The following DARS1 variants were observed in gnomAD, a reference collection of about 807,000 sequenced individuals.
DARS1 encodes aspartate--tRNA ligase, cytoplasmic.
DARS1 carries 51 observed loss-of-function variants against 68.8 expected under a neutral mutation model. That is an observed-to-expected ratio of 0.74 (90% CI 0.59 to 0.94). The LOEUF is 0.94. Among genes scored for constraint, DARS1 ranks in the 40% least tolerant of loss-of-function variants. DARS1 has a pLI of 0.00. For synonymous variants in DARS1, 203 were observed against 190.4 expected (o/e 1.07, Z -0.55); for missense variants, 607 against 597.3 (o/e 1.02, Z -0.17).
intron 1 of DARS1, 65 bp downstream of exon 1, chr2:135,985,334 TCCTC>T: frequency 1.3e-6 from 2 of 1,565,708 alleles, no homozygotes; most frequent in Non-Finnish European, 1.7e-6. Flanking sequence ...CCACTCCCCC[TCCTC>T]CCTCCCTCGG....
At chr2:135,981,190 C>A (rs1212788536) in intron 2 of DARS1, among the ~76,000 whole-genome samples, 1 of 152,132 alleles carries the variant, frequency 6.6e-6, no homozygotes, top group Non-Finnish European at 1.5e-5. Context: ...GATTTGCCAG[C>A]AAAAGAACAA....
intron 3 of DARS1, among the ~76,000 whole-genome samples, chr2:135,970,029 C>G (rs1682329917): frequency 6.6e-6 from 1 of 152,106 alleles, no homozygotes; most frequent in Non-Finnish European, 1.5e-5. Flanking sequence ...GCACAGTCTT[C>G]TTGTGCTTCC....
At chr2:135,953,649 A>G (rs1046890311) in intron 4 of DARS1, among the ~76,000 whole-genome samples, 6 of 152,212 alleles carry the variant, frequency 3.9e-5, no homozygotes, top group African/African-American at 7.2e-5. Flanking sequence ...TTCAGGAAGA[A>G]TAACTGTCAC....
intron 11 of DARS1, chr2:135,914,753 A>T (rs1389190996): frequency 1.1e-5 from 4 of 373,426 alleles, no homozygotes; most frequent in Non-Finnish European, 2.0e-5. Flanking sequence ...CAATAAACAG[A>T]ATATAGCAAT....
chr2:135,956,588 C>T (rs1027221801), intron 4 of DARS1, among the ~76,000 whole-genome samples: 8 of 152,166 alleles, frequency 5.3e-5, no homozygotes, highest in South Asian at 2.1e-4. Flanking sequence ...CGAGGCTTAC[C>T]GGAGCAGAAA....
At chr2:135,913,891 T>C (rs1337688948) in intron 12 of DARS1, among the ~76,000 whole-genome samples, 1 of 152,204 alleles carries the variant, frequency 6.6e-6, no homozygotes, top group Non-Finnish European at 1.5e-5. Flanking sequence ...ATAAACTGAA[T>C]ATTGTATGAC....
intron 4 of DARS1, among the ~76,000 whole-genome samples, chr2:135,955,705 T>A (rs113200654): frequency 0.15 from 18,417 of 122,626 alleles, 1,496 homozygotes; most frequent in Middle Eastern, 0.37. Context: ...TTTTTTTTTT[T>A]AGACAGGGTC....
intron 2 of DARS1, among the ~76,000 whole-genome samples, chr2:135,980,141 C>T (rs1218567132): frequency 6.6e-6 from 1 of 152,156 alleles, no homozygotes; most frequent in Non-Finnish European, 1.5e-5. Context: ...CCCTATCGAG[C>T]CTTTTGGCTG....
intron 3 of DARS1, among the ~76,000 whole-genome samples, chr2:135,978,159 A>AG: frequency 6.7e-6 from 1 of 149,106 alleles, no homozygotes; most frequent in Admixed American, 6.7e-5. Context: ...AAAAAAAAAA[A>AG]AAAAAAGAAA....
At chr2:135,958,544 G>A (rs765935753) in intron 4 of DARS1, among the ~76,000 whole-genome samples, 16 of 152,110 alleles carry the variant, frequency 1.1e-4, no homozygotes, top group Non-Finnish European at 2.1e-4. Flanking sequence ...GAAGGATCAG[G>A]ATTTCTGAAC....
intron 9 of DARS1, among the ~76,000 whole-genome samples, chr2:135,921,002 G>A (rs1283393429): frequency 6.6e-6 from 1 of 151,650 alleles, no homozygotes; most frequent in African/African-American, 2.4e-5. Flanking sequence ...TTTGACTACA[G>A]TAGTCATTTA....
At chr2:135,958,513 A>G (rs990387311) in intron 4 of DARS1, among the ~76,000 whole-genome samples, 35 of 152,228 alleles carry the variant, frequency 2.3e-4, no homozygotes, top group African/African-American at 8.2e-4. Flanking sequence ...CCGAAGTCTA[A>G]AAGTAGACTT....
At chr2:135,945,559 T>G (rs1420372102) in intron 4 of DARS1, among the ~76,000 whole-genome samples, 1 of 152,202 alleles carries the variant, frequency 6.6e-6, no homozygotes, top group Non-Finnish European at 1.5e-5. Context: ...TCCCTCTTCT[T>G]TCTCATTCAA....
At chr2:135,922,699 T>A in intron 9 of DARS1, 85 bp downstream of exon 9, 1 of 1,403,218 alleles carries the variant, frequency 7.1e-7, no homozygotes, top group Non-Finnish European at 9.2e-7. Context: ...AAAGTGTCTG[T>A]ACATTATATA....
intron 11 of DARS1, 149 bp downstream of exon 11, chr2:135,916,077 C>T: frequency 8.9e-6 from 4 of 449,110 alleles, no homozygotes; most frequent in South Asian, 5.0e-5. Context: ...ACCAAATTAC[C>T]AAGGTTTTAA....
At position 135,974,694 on chromosome 2, in the gene DARS1, C is replaced by A. The variant is rs74399174; in HGVS notation, c.217+4580G>T. On this transcript the variant is annotated intron_variant, in intron 3 of 15. Transcript: ENST00000264161. Reference sequence around the variant, plus strand: ...CTTCATTGTGTGAATCCCTGAAGTACTAGAGAACCTACTAGTATTGCAAAG... The same window carrying A: ...CTTCATTGTGTGAATCCCTGAAGTAATAGAGAACCTACTAGTATTGCAAAG... 7.5e-3 allele frequency among the ~76,000 whole-genome samples: 1,145 copies of A among 152,262 alleles called. 11 individuals carry two copies. The highest frequency in any genetic ancestry group is 0.026 in the African/African-American group (1,079 of 41,542).
rs1402597803 is a variant in DARS1 at position 135,920,532 on chromosome 2, C to T, written c.880G>A (p.Ala294Thr). The change falls in exon 10 of 16, where the codon GCT becomes ACT. Residue 294 changes from alanine (A) to threonine (T), a missense_variant. By Grantham distance (58) the Ala-to-Thr change is moderately conservative. Transcript: ENST00000264161. ...TEFVGLDIEM[A>T]FNYHYHEVME... ...ACTTCGTGGTAATGGTAATTAAAAG[C>T]CATTTCAATGTCCAAACCAACAAAC... 6.2e-7 allele frequency: 1 copy of T among 1,613,650 alleles called. No individual in the cohort carries two copies.
intron 4 of DARS1, among the ~76,000 whole-genome samples, chr2:135,949,852 A>G (rs994695065): frequency 1.3e-5 from 2 of 152,240 alleles, no homozygotes; most frequent in Non-Finnish European, 2.9e-5. Context: ...TTAAATTCCA[A>G]TGTTTCTTTT....
At chr2:135,944,785 T>C (rs577624951) in intron 4 of DARS1, among the ~76,000 whole-genome samples, 44 of 152,330 alleles carry the variant, frequency 2.9e-4, no homozygotes, top group Admixed American at 2.7e-3. Context: ...AGTTTTCTAA[T>C]ACTTGCAATC....
Sources: allele counts gnomAD v4.1 joint callset (sites outside exome capture counted in the v4.1 genomes callset), GRCh38; gene constraint gnomAD v4.1.1; transcripts MANE v1.5; gene names NCBI Gene and HGNC (gene_info 2026-07-23, HGNC 2026-07-21).